Variants in ATXN8OS observed in about 807,000 individuals in gnomAD.
ATXN8OS encodes ATXN8 opposite strand lncRNA, also known as ATXN8 opposite strand (non-protein coding).
At chr13:70,162,595 C>T (rs1324782048) in intron 4 of ATXN8OS, among the ~76,000 whole-genome samples, 1 of 152,028 alleles carries the variant, frequency 6.6e-6, no homozygotes, top group Non-Finnish European at 1.5e-5. Flanking sequence ...TTCGTTCATA[C>T]TCACAGAACT....
intron 3 of ATXN8OS, among the ~76,000 whole-genome samples, chr13:70,138,370 A>C (rs1888649090): frequency 7.4e-6 from 1 of 135,538 alleles, no homozygotes; most frequent in Non-Finnish European, 1.5e-5. Flanking sequence ...GAAAATCTAA[A>C]TTTTAAATGT....
intron 2 of ATXN8OS, among the ~76,000 whole-genome samples, chr13:70,124,170 A>G (rs970237003): frequency 6.6e-6 from 1 of 152,192 alleles, no homozygotes; most frequent in Non-Finnish European, 1.5e-5. Flanking sequence ...GCAAGTAACC[A>G]TCATTTCCCA....
At chr13:70,156,418 T>G (rs1474731316) in intron 4 of ATXN8OS, among the ~76,000 whole-genome samples, 1 of 152,182 alleles carries the variant, frequency 6.6e-6, no homozygotes. Flanking sequence ...TCATTTTACT[T>G]TTATTCCATA....
intron 4 of ATXN8OS, among the ~76,000 whole-genome samples, chr13:70,156,466 A>G: frequency 6.6e-6 from 1 of 152,264 alleles, no homozygotes; most frequent in East Asian, 1.9e-4. Context: ...TTAAAACTAT[A>G]AGAAATAATA....
At chr13:70,171,714 C>G (rs1446017543) in exon 5 of ATXN8OS, among the ~76,000 whole-genome samples, 2 of 151,886 alleles carry the variant, frequency 1.3e-5, no homozygotes, top group Non-Finnish European at 2.9e-5. Flanking sequence ...ATGTGTAAAA[C>G]AGACATAATA....
At chr13:70,113,622 A>C (rs1459974263) in intron 1 of ATXN8OS, among the ~76,000 whole-genome samples, 1 of 152,166 alleles carries the variant, frequency 6.6e-6, no homozygotes, top group Non-Finnish European at 1.5e-5. Flanking sequence ...AAGTTATAGG[A>C]GTGTAAGATA....
intron 4 of ATXN8OS, among the ~76,000 whole-genome samples, chr13:70,153,014 CTGTGTGTGTG>C (rs66574752): frequency 0.087 from 12,318 of 141,764 alleles, 610 homozygotes; most frequent in East Asian, 0.11. Flanking sequence ...TAAGAAAAAA[CTGTGTGTGTG>C]TGTGTGTGTG....
chr13:70,155,486 C>T (rs1433151847), intron 4 of ATXN8OS, among the ~76,000 whole-genome samples: 1 of 152,152 alleles, frequency 6.6e-6, no homozygotes, highest in Non-Finnish European at 1.5e-5. Flanking sequence ...CCAGAATCAA[C>T]TAGTATTCCA....
intron 3 of ATXN8OS, among the ~76,000 whole-genome samples, chr13:70,141,963 A>T (rs1019127641): frequency 1.3e-5 from 2 of 152,082 alleles, no homozygotes; most frequent in Non-Finnish European, 2.9e-5. Context: ...GGCTCACTGC[A>T]ACCTGCACCT....
At chr13:70,129,024 C>T (rs1888486674) in intron 2 of ATXN8OS, among the ~76,000 whole-genome samples, 1 of 152,044 alleles carries the variant, frequency 6.6e-6, no homozygotes, top group Non-Finnish European at 1.5e-5. Context: ...CCACGCCCAG[C>T]TAATTTTTTG....
intron 1 of ATXN8OS, among the ~76,000 whole-genome samples, chr13:70,109,493 G>T (rs772325287): frequency 2.6e-5 from 4 of 152,180 alleles, no homozygotes; most frequent in Non-Finnish European, 5.9e-5. Context: ...AGCTGTAAAC[G>T]TAACCAGAAA....
intron 2 of ATXN8OS, among the ~76,000 whole-genome samples, chr13:70,118,835 CTTT>C (rs58934253): frequency 3.4e-5 from 5 of 144,948 alleles, no homozygotes; most frequent in Admixed American, 1.4e-4. Context: ...CAGATATATA[CTTT>C]TTTTTTTTTT....
chr13:70,140,032 G>C (rs1888688368), intron 3 of ATXN8OS, among the ~76,000 whole-genome samples: 1 of 152,042 alleles, frequency 6.6e-6, no homozygotes, highest in African/African-American at 2.4e-5. Flanking sequence ...AAATTTAGTA[G>C]CTAGTAATTA....
intron 3 of ATXN8OS, among the ~76,000 whole-genome samples, chr13:70,136,760 T>C (rs187964530): frequency 4.1e-4 from 63 of 152,276 alleles, no homozygotes; most frequent in Non-Finnish European, 7.1e-4. Context: ...GGTTTTAATA[T>C]ATACTTAAAC....
At chr13:70,135,113 A>G (rs1484093493) in intron 3 of ATXN8OS, among the ~76,000 whole-genome samples, 1 of 152,048 alleles carries the variant, frequency 6.6e-6, no homozygotes, top group African/African-American at 2.4e-5. Flanking sequence ...CACCCAATCC[A>G]CTTTTCCTCA....
intron 3 of ATXN8OS, among the ~76,000 whole-genome samples, chr13:70,132,392 A>G (rs1338313817): frequency 6.6e-6 from 1 of 151,298 alleles, no homozygotes; most frequent in African/African-American, 2.4e-5. Flanking sequence ...AAAACCAAAT[A>G]CTGCTTATAA....
At chr13:70,127,266 T>A (rs995025677) in intron 2 of ATXN8OS, among the ~76,000 whole-genome samples, 1 of 152,024 alleles carries the variant, frequency 6.6e-6, no homozygotes, top group African/African-American at 2.4e-5. Context: ...AGGTAGGAGA[T>A]CTAGATCCTA....
chr13:70,159,272 A>G (rs1475992140), intron 4 of ATXN8OS, among the ~76,000 whole-genome samples: 1 of 151,420 alleles, frequency 6.6e-6, no homozygotes, highest in African/African-American at 2.4e-5. Context: ...GTTATTCTAG[A>G]TTTTCTATGT....
chr13:70,117,974 T>C (rs1461426873), intron 2 of ATXN8OS, among the ~76,000 whole-genome samples: 1 of 152,126 alleles, frequency 6.6e-6, no homozygotes, highest in East Asian at 1.9e-4. Context: ...GAATCACTGA[T>C]TAATCACAAC....
Sources: allele counts gnomAD v4.1 joint callset (sites outside exome capture counted in the v4.1 genomes callset), GRCh38; gene constraint gnomAD v4.1.1; transcripts MANE v1.5; gene names NCBI Gene and HGNC (gene_info 2026-07-23, HGNC 2026-07-21).